The following PARG variants were observed in gnomAD, a reference collection of about 807,000 sequenced individuals.
The protein encoded by PARG is mitochondrial poly(ADP-ribose) glycohydrolase.
PARG carries 35 observed loss-of-function variants against 113.0 expected under a neutral mutation model. The observed-to-expected ratio is 0.31, with a 90% CI of 0.24 to 0.41. The LOEUF (loss-of-function observed/expected upper bound fraction) is 0.41, where lower values mean the gene tolerates loss of function less well. Among genes scored for constraint, PARG ranks in the 10% least tolerant of loss-of-function variants. The pLI, the probability that PARG is intolerant of heterozygous loss-of-function variation, is 1.00. For synonymous variants in PARG, 330 were observed against 409.9 expected, an observed-to-expected ratio of 0.81 and a Z score of 2.36; for missense variants, 797 against 1,169.4, an observed-to-expected ratio of 0.68 and a Z score of 4.64.
At chr10:49,854,900 G>C (rs1325255715) in intron 13 of PARG, among the ~76,000 whole-genome samples, 1 of 151,526 alleles carries the variant, frequency 6.6e-6, no homozygotes, top group Non-Finnish European at 1.5e-5. Flanking sequence ...CTGATTTCCA[G>C]GGTCACATTA....
chr10:49,867,546 CATT>C (rs1448545379), intron 10 of PARG: 1 of 151,198 alleles, frequency 6.6e-6, no homozygotes, highest in Non-Finnish European at 1.5e-5. Flanking sequence ...CACAACCACT[CATT>C]ATACTGCAAC....
At chr10:49,907,016 T>G (rs1848623425) in intron 7 of PARG, among the ~76,000 whole-genome samples, 1 of 151,992 alleles carries the variant, frequency 6.6e-6, no homozygotes, top group South Asian at 2.1e-4. Flanking sequence ...GCACTCCCAG[T>G]GGAAGATGCC....
At chr10:49,884,427 C>T (rs1256690891) in intron 8 of PARG, among the ~76,000 whole-genome samples, 14 of 152,174 alleles carry the variant, frequency 9.2e-5, no homozygotes, top group Admixed American at 8.5e-4. Context: ...GCTGAATACT[C>T]GTCTCTACTA....
intron 6 of PARG, 46 bp from the exon 7 acceptor site, chr10:49,916,037 G>A (rs1554847543): frequency 1.0e-6 from 1 of 988,306 alleles, no homozygotes; most frequent in Non-Finnish European, 1.6e-6. Flanking sequence ...ATGGCCAAGT[G>A]AATGACCTAT....
At chr10:49,835,806 TAGAC>T (rs1432192865) in intron 15 of PARG, among the ~76,000 whole-genome samples, 2 of 152,032 alleles carry the variant, frequency 1.3e-5, no homozygotes. Context: ...CCCAAGCAGA[TAGAC>T]AGTTACGTGC....
intron 13 of PARG, among the ~76,000 whole-genome samples, chr10:49,850,980 G>C (rs1845734772): frequency 6.6e-6 from 1 of 152,068 alleles, no homozygotes; most frequent in Admixed American, 6.6e-5. Flanking sequence ...AGGTAAACTG[G>C]TAACAGCTAC....
intron 10 of PARG, among the ~76,000 whole-genome samples, chr10:49,866,261 C>T: frequency 6.6e-6 from 1 of 151,818 alleles, no homozygotes; most frequent in East Asian, 1.9e-4. Flanking sequence ...TACAAAAAAG[C>T]TCTTAAGGAA....
At chr10:49,838,399 C>CCAGCCTGG (rs1554831564) in intron 15 of PARG, among the ~76,000 whole-genome samples, 1 of 145,826 alleles carries the variant, frequency 6.9e-6, no homozygotes, top group African/African-American at 2.6e-5. Flanking sequence ...CCATTGCACT[C>CCAGCCTGG]CAGCCTGGGC....
chr10:49,896,623 G>T (rs1166119887), intron 7 of PARG, among the ~76,000 whole-genome samples: 1 of 152,082 alleles, frequency 6.6e-6, no homozygotes, highest in Non-Finnish European at 1.5e-5. Context: ...ACTAAATTTT[G>T]TCAGGTGCTT....
At chr10:49,838,600 T>G (rs1845070842) in intron 15 of PARG, among the ~76,000 whole-genome samples, 2 of 152,054 alleles carry the variant, frequency 1.3e-5, no homozygotes, top group Non-Finnish European at 2.9e-5. Context: ...TAGTTATGCC[T>G]CCCTGAGTGG....
chr10:49,860,736 G>C (rs2132536699), intron 12 of PARG, among the ~76,000 whole-genome samples: 1 of 150,898 alleles, frequency 6.6e-6, no homozygotes, highest in South Asian at 2.1e-4. Flanking sequence ...TTTAGATTCT[G>C]AACCAATATA....
At chr10:49,932,966 C>A (rs1838563272) in intron 3 of PARG, among the ~76,000 whole-genome samples, 1 of 152,144 alleles carries the variant, frequency 6.6e-6, no homozygotes. Flanking sequence ...AACTAAAAAT[C>A]TGATTTCTAA....
intron 7 of PARG, 93 bp from the exon 8 acceptor site, chr10:49,885,388 T>A (rs61846922): frequency 0.22 from 170,180 of 764,518 alleles, 21,014 homozygotes; most frequent in Non-Finnish European, 0.27. Flanking sequence ...ATTACATATC[T>A]GCTTTTCATG....
At chr10:49,887,699 A>AT (rs1164573783) in intron 7 of PARG, among the ~76,000 whole-genome samples, 1 of 152,052 alleles carries the variant, frequency 6.6e-6, no homozygotes, top group Non-Finnish European at 1.5e-5. Flanking sequence ...TTGTTTAGCA[A>AT]TTTCACCTAC....
intron 10 of PARG, among the ~76,000 whole-genome samples, chr10:49,868,352 A>G (rs1846623358): frequency 1.3e-5 from 2 of 152,184 alleles, no homozygotes; most frequent in Non-Finnish European, 1.5e-5. Flanking sequence ...CATAGGTCCA[A>G]ATGATTCTGC....
chr10:49,889,822 T>A (rs1353660092), intron 7 of PARG, among the ~76,000 whole-genome samples: 15 of 152,216 alleles, frequency 9.9e-5, no homozygotes, highest in African/African-American at 3.6e-4. Flanking sequence ...TATTGCACTG[T>A]ACTTCTTCAC....
intron 7 of PARG, among the ~76,000 whole-genome samples, chr10:49,914,805 T>C (rs1837378404): frequency 6.6e-6 from 1 of 152,202 alleles, no homozygotes; most frequent in African/African-American, 2.4e-5. Context: ...CAACTGGTTT[T>C]GAAAAGGTGC....
intron 16 of PARG, among the ~76,000 whole-genome samples, chr10:49,830,416 T>C (rs1164071276): frequency 6.6e-6 from 1 of 152,230 alleles, no homozygotes; most frequent in Non-Finnish European, 1.5e-5. Context: ...TGAAAGTCTT[T>C]AGCATAAAGG....
chr10:49,927,392 A>C (rs1272642983), intron 4 of PARG, among the ~76,000 whole-genome samples: 2 of 150,404 alleles, frequency 1.3e-5, no homozygotes, highest in Non-Finnish European at 3.0e-5. Flanking sequence ...GAAAGAAAGA[A>C]AGAAAGAAAG....
Sources: allele counts gnomAD v4.1 joint callset (sites outside exome capture counted in the v4.1 genomes callset), GRCh38; gene constraint gnomAD v4.1.1; transcripts MANE v1.5; gene names NCBI Gene and HGNC (gene_info 2026-07-23, HGNC 2026-07-21).